CLEC2A: variants seen among roughly 807,000 people sequenced by gnomAD.
CLEC2A encodes keratinocyte-associated C-type lectin.
CLEC2A carries 19 observed loss-of-function variants against 18.6 expected under a neutral mutation model. The ratio of observed to expected loss-of-function variants is 1.02; its 90% CI spans 0.71 to 1.50. The LOEUF (loss-of-function observed/expected upper bound fraction) is 1.50. CLEC2A is among the 40% of genes most tolerant of loss of function. The pLI, the probability that CLEC2A is intolerant of heterozygous loss-of-function variation, is 0.00. For missense variants in CLEC2A, 190 were observed against 207.9 expected (o/e 0.91, Z 0.53); for synonymous variants, 74 against 64.0 (o/e 1.16, Z -0.75).
the CLEC2A span, among the ~76,000 whole-genome samples, chr12:9,879,284 C>T: frequency 6.6e-6 from 1 of 152,206 alleles, no homozygotes; most frequent in Non-Finnish European, 1.5e-5. Context: ...TTCATTGTGT[C>T]TTACCCAATC....
intron 2 of CLEC2A, among the ~76,000 whole-genome samples, chr12:9,924,648 A>G (rs1863237136): frequency 6.6e-6 from 1 of 152,216 alleles, no homozygotes; most frequent in Admixed American, 6.5e-5. Context: ...GAAATTTAAC[A>G]ACTTCATTTT....
In CLEC2A at chr12:9,899,258, G is replaced by A. The variant is rs191463748; in HGVS notation, c.411-282C>T. 1.6e-3 allele frequency among the ~76,000 whole-genome samples: 249 copies of A among 152,202 alleles called. 2 individuals are homozygous for A. Among genetic ancestry groups the A allele is most frequent in the African/African-American group, 5.8e-3 (239 of 41,504 alleles). Reference sequence around the variant, plus strand: ...TTTAAAGGATGTATCTGAGGGGAGTGTCCCATAGTACAGAGATACAATTAC... The same window carrying A: ...TTTAAAGGATGTATCTGAGGGGAGTATCCCATAGTACAGAGATACAATTAC... On this transcript the variant is annotated intron_variant, in intron 4 of 4. Coordinates refer to the CLEC2A transcript ENST00000339766.
At chr12:9,923,904 A>G (rs1863218210) in intron 2 of CLEC2A, among the ~76,000 whole-genome samples, 2 of 152,156 alleles carry the variant, frequency 1.3e-5, no homozygotes, top group South Asian at 4.2e-4. Context: ...CAGGGACGGG[A>G]ATATCACACA....
chr12:9,926,099 G>A (rs1863267415), intron 2 of CLEC2A, among the ~76,000 whole-genome samples, 161 bp downstream of exon 2: 1 of 152,132 alleles, frequency 6.6e-6, no homozygotes, highest in African/African-American at 2.4e-5. Context: ...GGAGAGGCAA[G>A]GATTATGGTA....
At chr12:9,906,030 T>TG (rs1565528051) in intron 4 of CLEC2A, among the ~76,000 whole-genome samples, 1 of 151,462 alleles carries the variant, frequency 6.6e-6, no homozygotes, top group African/African-American at 2.4e-5. Context: ...GTTTTGTTTT[T>TG]TTTTTTTTTA....
In CLEC2A at chr12:9,921,552, A is replaced by C. The variant is rs12299287; in HGVS notation, c.306+514T>G. 3.9e-3 allele frequency among the ~76,000 whole-genome samples: 590 copies of C among 152,264 alleles called. 5 individuals carry two copies. The highest frequency in any genetic ancestry group is 0.013 in the African/African-American group (551 of 41,544). Reference sequence around the variant, plus strand: ...CAGTGAGCTGAGATTGCACCACTGCACTCCAGCCTAGGTGCCAGAGTGAGA... The same window carrying C: ...CAGTGAGCTGAGATTGCACCACTGCCCTCCAGCCTAGGTGCCAGAGTGAGA... On this transcript the variant is annotated intron_variant, in intron 3 of 4. Transcript: ENST00000455827.
At chr12:9,918,749 T>C (rs1863113392) in intron 3 of CLEC2A, among the ~76,000 whole-genome samples, 1 of 152,208 alleles carries the variant, frequency 6.6e-6, no homozygotes, top group South Asian at 2.1e-4. Flanking sequence ...GTGCAGTTGT[T>C]TGGAAAACAT....
At chr12:9,914,073 A>G (rs1178187176) in intron 4 of CLEC2A, among the ~76,000 whole-genome samples, 1 of 152,224 alleles carries the variant, frequency 6.6e-6, no homozygotes. Context: ...CTGAAATTAA[A>G]AAAATTCAGT....
the CLEC2A span, among the ~76,000 whole-genome samples, chr12:9,887,484 G>A: frequency 1.3e-5 from 2 of 152,162 alleles, no homozygotes; most frequent in Non-Finnish European, 2.9e-5. Context: ...TTTGAAACAA[G>A]AGTAATCAAG....
At chr12:9,881,704 A>T in the CLEC2A span, 1 of 1,341,546 alleles carries the variant, frequency 7.5e-7, no homozygotes, top group Admixed American at 2.0e-5. Context: ...TTAAAATTTC[A>T]TTATTCTTCT....
intron 1 of CLEC2A, among the ~76,000 whole-genome samples, chr12:9,928,042 T>C (rs762096038): frequency 2.0e-5 from 3 of 152,148 alleles, no homozygotes; most frequent in Non-Finnish European, 4.4e-5. Flanking sequence ...GACCTGAACA[T>C]AAAACCTGAA....
intron 1 of CLEC2A, among the ~76,000 whole-genome samples, chr12:9,931,036 A>G (rs1863367364): frequency 1.3e-5 from 2 of 151,894 alleles, no homozygotes; most frequent in East Asian, 1.9e-4. Context: ...CATTTTTATT[A>G]TGCTTTAATT....
At chr12:9,917,044 A>G (rs1863083851) in intron 3 of CLEC2A, among the ~76,000 whole-genome samples, 1 of 152,194 alleles carries the variant, frequency 6.6e-6, no homozygotes, top group South Asian at 2.1e-4. Context: ...CAAGTCATTG[A>G]TACCCTTTAG....
At chr12:9,900,011 C>T (rs566017679) in intron 4 of CLEC2A, among the ~76,000 whole-genome samples, 46 of 152,276 alleles carry the variant, frequency 3.0e-4, no homozygotes, top group African/African-American at 1.0e-3. Context: ...GGAACTGAGT[C>T]CTCCTCCAAT....
At chr12:9,905,630 G>A (rs2137020622) in intron 4 of CLEC2A, among the ~76,000 whole-genome samples, 1 of 152,266 alleles carries the variant, frequency 6.6e-6, no homozygotes, top group African/African-American at 2.4e-5. Flanking sequence ...GGACTAATTT[G>A]GTTAGGTGGT....
intron 3 of CLEC2A, among the ~76,000 whole-genome samples, chr12:9,921,638 A>G (rs1342216143): frequency 6.6e-6 from 1 of 152,204 alleles, no homozygotes; most frequent in Non-Finnish European, 1.5e-5. Context: ...CTTAGCCACT[A>G]GTAGCCTGCT....
chr12:9,914,574 T>A (rs1863039425), intron 4 of CLEC2A, among the ~76,000 whole-genome samples: 1 of 152,144 alleles, frequency 6.6e-6, no homozygotes, highest in Non-Finnish European at 1.5e-5. Flanking sequence ...TCTACAACCA[T>A]CTGAACTTTG....
At chr12:9,924,907 T>A (rs894039690) in intron 2 of CLEC2A, among the ~76,000 whole-genome samples, 1 of 152,226 alleles carries the variant, frequency 6.6e-6, no homozygotes, top group Non-Finnish European at 1.5e-5. Flanking sequence ...GTGAAAGATA[T>A]CTTCTCTATA....
the CLEC2A span, among the ~76,000 whole-genome samples, chr12:9,884,767 T>C: frequency 6.6e-6 from 1 of 151,418 alleles, no homozygotes; most frequent in Non-Finnish European, 1.5e-5. Flanking sequence ...ATAATAGTAG[T>C]ATCTCCTTGG....
Sources: gnomAD v4.1 joint callset for allele counts (sites outside exome capture counted in the v4.1 genomes callset) on GRCh38, gnomAD v4.1.1 for gene constraint, MANE v1.5 for transcripts, NCBI Gene and HGNC (gene_info 2026-07-23, HGNC 2026-07-21) for gene names.